HIPK3: variants seen among roughly 807,000 people sequenced by gnomAD.
HIPK3 encodes the protein homeodomain-interacting protein kinase 3.
A neutral mutation model predicts 124.2 loss-of-function variants in HIPK3; 47 were observed. That is an observed-to-expected ratio of 0.38 (90% CI 0.30 to 0.48). The LOEUF is 0.48. Among genes scored for constraint, HIPK3 ranks in the 20% least tolerant of loss-of-function variants. HIPK3 has a pLI of 0.98. For missense variants in HIPK3, 1,286 were observed against 1,454.3 expected (o/e 0.88, Z 1.88); for synonymous variants, 482 against 515.2 (o/e 0.94, Z 0.87).
intron 14 of HIPK3, among the ~76,000 whole-genome samples, 188 bp from the exon 15 acceptor site, chr11:33,351,420 G>T (rs983800107): frequency 1.3e-5 from 2 of 152,114 alleles, no homozygotes; most frequent in Non-Finnish European, 2.9e-5. Context: ...TTGGCAGTTG[G>T]AACAGAGAAT....
At chr11:33,282,975 T>C (rs1455174877) in intron 1 of HIPK3, among the ~76,000 whole-genome samples, 1 of 152,194 alleles carries the variant, frequency 6.6e-6, no homozygotes, top group Non-Finnish European at 1.5e-5. Flanking sequence ...ATGAGTTTGA[T>C]ACATATAGCC....
In HIPK3 at chr11:33,341,601, A is replaced by C. The variant is rs757889352; in HGVS notation, c.1812A>C (p.Gly604=). Residue 604 remains glycine, a synonymous_variant, in exon 8 of 17, where the codon GGA becomes GGC. Transcript: ENST00000303296. ...TTSAHSVVHH[G]IPLQAGTAQF... is the part of the protein sequence containing the mutation. The stretch of plus-strand genomic sequence containing the variant: ...CTGCTCATTCAGTTGTGCACCATGG[A>C]ATACCTCTGCAGGCAGGAACTGCTC... 54 of 1,613,708 alleles carry C rather than the reference A, an allele frequency of 3.3e-5. No homozygotes were observed. Among genetic ancestry groups the C allele is most frequent in the Non-Finnish European group, 4.5e-5 (53 of 1,179,848 alleles).
intron 1 of HIPK3, among the ~76,000 whole-genome samples, chr11:33,262,736 T>C (rs1850857095): frequency 6.6e-6 from 1 of 152,228 alleles, no homozygotes; most frequent in African/African-American, 2.4e-5. Flanking sequence ...TGACCTTAAA[T>C]GTATTTTGTT....
intron 2 of HIPK3, among the ~76,000 whole-genome samples, chr11:33,313,636 T>A (rs1235524011): frequency 6.6e-6 from 1 of 152,054 alleles, no homozygotes; most frequent in Admixed American, 6.6e-5. Context: ...TCTAAAATTA[T>A]GTCAACATGA....
chr11:33,281,762 C>T (rs1184010936), intron 1 of HIPK3, among the ~76,000 whole-genome samples: 1 of 152,040 alleles, frequency 6.6e-6, no homozygotes, highest in Non-Finnish European at 1.5e-5. Context: ...TAGCAGTATT[C>T]AGAATCAGGT....
At chr11:33,321,893 T>A (rs1384912266) in intron 2 of HIPK3, among the ~76,000 whole-genome samples, 1 of 152,204 alleles carries the variant, frequency 6.6e-6, no homozygotes, top group Non-Finnish European at 1.5e-5. Flanking sequence ...GTATTTGAAA[T>A]CTAGCTCTAT....
In HIPK3 at chr11:33,353,656, A is replaced by G. The variant is rs1853740125; in HGVS notation, c.*88A>G. The G allele has an allele frequency of 5.4e-6, 5 of 918,092 alleles. No individual in the cohort carries two copies. Among genetic ancestry groups the G allele is most frequent in the Non-Finnish European group, 8.3e-6 (5 of 600,528 alleles). The allele number at this position is 918,092 out of a possible 1,614,324, so 56.9% of individuals were successfully genotyped here. ...TTAATATTAGCCATGGCACAAGAAAATTATTTTTGAATCATGTAGACTTGG... is the reference window on the plus strand; with the variant it reads ...TTAATATTAGCCATGGCACAAGAAAGTTATTTTTGAATCATGTAGACTTGG... On this transcript the variant is annotated 3_prime_UTR_variant, in exon 17 of 17. Transcript: ENST00000303296.
Position 33,356,025 on chromosome 11 carries a change from G to A in HIPK3, c.*2457G>A, listed in dbSNP as rs1301338392. ...ACTTCTTAGGAAAGAATCAATGCTG[G>A]CAACACATTGTTTCAGAAACACCAA... On this transcript the variant is annotated 3_prime_UTR_variant, in exon 17 of 17. Transcript: ENST00000303296. 6.6e-6 allele frequency: 1 copy of A among 151,854 alleles called. No individual in the cohort carries two copies. Among genetic ancestry groups the A allele is most frequent in the African/African-American group, 2.4e-5 (1 of 41,406 alleles). The allele number at this position is 151,854 out of a possible 1,614,324, so 9.4% of individuals were successfully genotyped here.
chr11:33,344,509 G>T (rs1171685945), intron 8 of HIPK3, among the ~76,000 whole-genome samples: 3 of 152,150 alleles, frequency 2.0e-5, no homozygotes, highest in Admixed American at 2.0e-4. Context: ...TTTCAATGAG[G>T]TTAGAAAAAT....
chr11:33,285,147 G>C (rs1851513755), intron 1 of HIPK3, among the ~76,000 whole-genome samples: 6 of 152,096 alleles, frequency 3.9e-5, no homozygotes, highest in Admixed American at 3.9e-4. Flanking sequence ...ACATTTAATG[G>C]TTGTGTGGTA....
intron 14 of HIPK3, 118 bp downstream of exon 14, chr11:33,349,405 A>G (rs1011017565): frequency 1.3e-6 from 1 of 774,668 alleles, no homozygotes; most frequent in Non-Finnish European, 2.0e-6. Context: ...TATCTTGAAC[A>G]CAATTTTTGA....
chr11:33,325,806 A>T (rs1852795588), intron 2 of HIPK3, among the ~76,000 whole-genome samples: 2 of 152,156 alleles, frequency 1.3e-5, no homozygotes, highest in South Asian at 4.1e-4. Context: ...AATATATAGG[A>T]TTAATAACAG....
intron 2 of HIPK3, among the ~76,000 whole-genome samples, chr11:33,315,198 T>C (rs1852463648): frequency 6.6e-6 from 1 of 152,198 alleles, no homozygotes. Flanking sequence ...TCTCTTGATA[T>C]ATGTTAGTAA....
chr11:33,272,071 C>A (rs1423417887), intron 1 of HIPK3, among the ~76,000 whole-genome samples: 1 of 152,102 alleles, frequency 6.6e-6, no homozygotes, highest in Admixed American at 6.6e-5. Context: ...GTAGTTAGGG[C>A]CAGATAGAAG....
chr11:33,257,343 CGACGAGCGCGGAGGAGGGGCCCGAGGCT>C (rs963788506), upstream of HIPK3: 9 of 984,406 alleles, frequency 9.1e-6, no homozygotes, highest in Non-Finnish European at 1.1e-5. Flanking sequence ...TGGCCGAGGC[CGACGAGCGCGGAGGAGGGGCCCGAGGCT>C]GGGGCGGCTG....
intron 13 of HIPK3, 48 bp from the exon 14 acceptor site, chr11:33,349,099 G>C: frequency 6.4e-7 from 1 of 1,565,102 alleles, no homozygotes; most frequent in Non-Finnish European, 8.7e-7. Flanking sequence ...TATTTGGAGA[G>C]TATCTTCTTG....
rs1852005380 is a variant in HIPK3 at position 33,301,744 on chromosome 11, C to A, written c.1097+14233C>A. Among the ~76,000 whole-genome samples the A allele has an allele frequency of 4.0e-5, 6 of 150,824 alleles. No individual in the cohort carries two copies. The Admixed American group carries it at 4.0e-4, about 10-fold the overall frequency. ...TGCTGAGGTGGGAGGATTACTTGAG[C>A]CCAGGAAATCAAGGCTGCAGTGAAC... On this transcript the variant is annotated intron_variant, in intron 2 of 16. Transcript: ENST00000303296.
At chr11:33,334,184 G>A (rs911228507) in intron 3 of HIPK3, among the ~76,000 whole-genome samples, 17 of 152,224 alleles carry the variant, frequency 1.1e-4, no homozygotes, top group African/African-American at 3.6e-4. Context: ...AAACAGACAT[G>A]TAAAAAATTG....
At chr11:33,351,552 A>G (rs1853657101) in intron 14 of HIPK3, 56 bp from the exon 15 acceptor site, 3 of 1,219,134 alleles carry the variant, frequency 2.5e-6, no homozygotes, top group Non-Finnish European at 3.6e-6. Context: ...ATTACTTAAC[A>G]TTAGATTTAA....
Sources: gnomAD v4.1 joint callset for allele counts (sites outside exome capture counted in the v4.1 genomes callset) on GRCh38, gnomAD v4.1.1 for gene constraint, MANE v1.5 for transcripts, NCBI Gene and HGNC (gene_info 2026-07-23, HGNC 2026-07-21) for gene names.